Variants in ANK2 observed in about 807,000 individuals in gnomAD.
The protein encoded by ANK2 is ankyrin 2, also known as ankyrin-2.
In ANK2, 83 loss-of-function variants were observed where a neutral mutation model predicts 360.5. That is an observed-to-expected ratio of 0.23 (90% CI 0.19 to 0.28). The LOEUF is 0.28. Ranked by LOEUF, ANK2 falls within the 10% of genes least tolerant of loss-of-function variation. ANK2 has a pLI of 1.00. For missense variants in ANK2, 4,201 were observed against 4,795.7 expected (o/e 0.88, Z 3.66); for synonymous variants, 1,740 against 1,759.5 (o/e 0.99, Z 0.28).
chr4:112,864,427 A>C (rs1342205161), intron 1 of ANK2, among the ~76,000 whole-genome samples: 1 of 151,986 alleles, frequency 6.6e-6, no homozygotes, highest in East Asian at 2.0e-4. Context: ...CTTCTGCCTC[A>C]GCTTCCCGAG....
intron 2 of ANK2, among the ~76,000 whole-genome samples, chr4:113,014,485 A>C (rs1180410754): frequency 1.3e-5 from 2 of 152,106 alleles, no homozygotes; most frequent in African/African-American, 4.8e-5. Flanking sequence ...ATGTCTATTA[A>C]GTCTCAGAGC....
At chr4:112,935,278 CT>C (rs769844987) in intron 2 of ANK2, among the ~76,000 whole-genome samples, 1 of 152,160 alleles carries the variant, frequency 6.6e-6, no homozygotes, top group Non-Finnish European at 1.5e-5. Flanking sequence ...AATATATTTT[CT>C]TTCATTCAGA....
At chr4:112,909,383 A>C (rs2086325525) in intron 2 of ANK2, among the ~76,000 whole-genome samples, 1 of 152,200 alleles carries the variant, frequency 6.6e-6, no homozygotes, top group African/African-American at 2.4e-5. Flanking sequence ...TAAGTTTGTT[A>C]ATCTTAATCC....
In ANK2 at chr4:112,898,146, C is replaced by A. The variant is rs567265302; in HGVS notation, c.-39-6309C>A. Among the ~76,000 whole-genome samples the A allele has an allele frequency of 5.9e-4, 90 of 152,138 alleles. No homozygotes were observed. The South Asian group carries it at 0.011, about 18-fold the overall frequency. ...GATTATCCTCTCCCCTTAATTTCTT[C>A]TATTATTAACATTTTATATTAGCAT... On this transcript the variant is annotated intron_variant, in intron 1 of 30. Coordinates refer to the ANK2 transcript ENST00000503271.
intron 1 of ANK2, among the ~76,000 whole-genome samples, chr4:113,098,701 T>G (rs189329425): frequency 7.6e-4 from 116 of 152,074 alleles, no homozygotes; most frequent in Non-Finnish European, 1.3e-3. Context: ...GGTATAACCC[T>G]AATTCTAAAA....
chr4:112,709,767 A>G, the ANK2 span, among the ~76,000 whole-genome samples: 1 of 152,126 alleles, frequency 6.6e-6, no homozygotes, highest in Non-Finnish European at 1.5e-5. Flanking sequence ...AAAAGAAAAG[A>G]TATGGTGATA....
chr4:112,709,028 C>CA, the ANK2 span, among the ~76,000 whole-genome samples: 1 of 152,024 alleles, frequency 6.6e-6, no homozygotes, highest in Non-Finnish European at 1.5e-5. Context: ...TCTAGATTTC[C>CA]AAAAATGAGA....
At chr4:112,831,300 T>G (rs1211155767) in intron 1 of ANK2, among the ~76,000 whole-genome samples, 1 of 152,188 alleles carries the variant, frequency 6.6e-6, no homozygotes. Context: ...AGAACTTTTA[T>G]GCCTAGCTAA....
intron 2 of ANK2, among the ~76,000 whole-genome samples, chr4:112,964,403 A>T (rs1022619035): frequency 1.1e-4 from 17 of 151,404 alleles, no homozygotes; most frequent in African/African-American, 4.1e-4. Context: ...GATTTTTAAC[A>T]TCCACAAATA....
Position 113,151,133 on chromosome 4 carries a change from A to G in ANK2, c.85-23283A>G, listed in dbSNP as rs767202550. 17 of 1,288,656 alleles carry G rather than the reference A, an allele frequency of 1.3e-5. No homozygotes were observed. In the South Asian group the frequency reaches 1.9e-4, roughly 14 times the overall value. 79.8% of individuals were successfully genotyped at this position (1,288,656 alleles called of 1,614,324 possible). A position where few individuals can be genotyped will look rare whatever the true frequency, so the allele number is the denominator to read the frequency against. On this transcript the variant is annotated intron_variant, in intron 1 of 45. Transcript: ENST00000357077. ...CCGCCAACATTGAAAAGGTGATGGA[A>G]GCAAAAAAACACTTCTAAAAACAGT...
chr4:113,151,534 C>G (rs530980081), intron 1 of ANK2, among the ~76,000 whole-genome samples: 3 of 152,074 alleles, frequency 2.0e-5, no homozygotes, highest in Non-Finnish European at 4.4e-5. Flanking sequence ...CAGAATGGCA[C>G]TAAGCCATTC....
chr4:112,821,223 G>GT lies in ANK2; in HGVS notation c.-40+2965dup, dbSNP rs533018213. ...AGCCACCCCGCCCGGCCCCTTAAATGTTTTTTGTAGAGATGGAGTCTTGCT... is the reference window on the plus strand; with the variant it reads ...AGCCACCCCGCCCGGCCCCTTAAATGTTTTTTTGTAGAGATGGAGTCTTGCT... On this transcript the variant is annotated intron_variant, in intron 1 of 30. Coordinates refer to the ANK2 transcript ENST00000503271. Among the ~76,000 whole-genome samples the GT allele has an allele frequency of 5.3e-5, 8 of 151,942 alleles. No individual in the cohort carries two copies. In the South Asian group the frequency reaches 6.2e-4, roughly 12 times the overall value.
In ANK2 at chr4:113,159,996, TATTTA is replaced by T. The variant is rs1273693740; in HGVS notation, c.85-14414_85-14410del. ...TCAGCAAGAATCTAGTTTCTTTCTG[TATTTA>T]ATTTATTTAGTAATGTCATAATTGT... is the stretch of plus-strand genomic sequence containing the variant. On this transcript the variant is annotated intron_variant, in intron 1 of 45. Coordinates refer to ENST00000357077, the MANE Select transcript of ANK2 (RefSeq NM_001148.6). 1.4e-4 allele frequency among the ~76,000 whole-genome samples: 22 copies of T among 152,302 alleles called. No homozygotes were observed. In the East Asian group the frequency reaches 1.9e-3, roughly 13 times the overall value.
intron 2 of ANK2, among the ~76,000 whole-genome samples, chr4:112,984,610 G>A (rs2044234570): frequency 6.6e-6 from 1 of 152,136 alleles, no homozygotes; most frequent in African/African-American, 2.4e-5. Flanking sequence ...ATAAGAAGCG[G>A]GGTAGAGATC....
At chr4:112,842,129 C>A (rs568976032) in intron 1 of ANK2, among the ~76,000 whole-genome samples, 1 of 152,066 alleles carries the variant, frequency 6.6e-6, no homozygotes, top group Non-Finnish European at 1.5e-5. Context: ...CCTGCCTCAG[C>A]CTCCCCAGTA....
At chr4:112,908,246 AGTC>A (rs2085922855) in intron 2 of ANK2, among the ~76,000 whole-genome samples, 1 of 152,220 alleles carries the variant, frequency 6.6e-6, no homozygotes, top group African/African-American at 2.4e-5. Context: ...TATTGTTAAT[AGTC>A]AGCAATGCAA....
In ANK2 at chr4:113,049,829, A is replaced by C. The variant is rs1336016923; in HGVS notation, c.84+17A>C. 6.2e-7 allele frequency: 1 copy of C among 1,613,254 alleles called. No homozygotes were observed. Among genetic ancestry groups the C allele is most frequent in the Admixed American group, 1.7e-5 (1 of 59,986 alleles). ...CCCAAGAAGGTAAATCGCCGGAATT[A>C]GGAATGTCTGTGTATAAATATGTAT... On this transcript the variant is annotated intron_variant, in intron 1 of 45. Coordinates refer to ENST00000357077, the MANE Select transcript of ANK2 (RefSeq NM_001148.6).
chr4:113,241,513 A>AG (rs1369437305), intron 8 of ANK2, among the ~76,000 whole-genome samples: 6 of 151,986 alleles, frequency 3.9e-5, no homozygotes, highest in Non-Finnish European at 8.8e-5. Flanking sequence ...AATTTTTTAA[A>AG]ATTTTTTGTA....
At chr4:112,871,913 A>G (rs2073187196) in intron 1 of ANK2, among the ~76,000 whole-genome samples, 1 of 152,152 alleles carries the variant, frequency 6.6e-6, no homozygotes, top group Non-Finnish European at 1.5e-5. Flanking sequence ...ATTTCTGTAT[A>G]TAAACTGACC....
Sources: gnomAD v4.1 joint callset for allele counts (sites outside exome capture counted in the v4.1 genomes callset) on GRCh38, gnomAD v4.1.1 for gene constraint, MANE v1.5 for transcripts, NCBI Gene and HGNC (gene_info 2026-07-23, HGNC 2026-07-21) for gene names.